Variants in PCDHGA5 observed in about 807,000 individuals in gnomAD.
PCDHGA5 encodes protocadherin gamma-A5.
PCDHGA5 carries 36 observed loss-of-function variants against 56.7 expected under a neutral mutation model. The ratio of observed to expected loss-of-function variants is 0.64; its 90% CI spans 0.49 to 0.84. The LOEUF (loss-of-function observed/expected upper bound fraction) is 0.84, where lower values mean the gene tolerates loss of function less well. Ranked by LOEUF, PCDHGA5 falls within the 40% of genes least tolerant of loss-of-function variation. PCDHGA5 has a pLI of 0.00. For synonymous variants in PCDHGA5, 563 were observed against 520.2 expected, an observed-to-expected ratio of 1.08 and a Z score of -1.12; for missense variants, 1,305 against 1,201.5, an observed-to-expected ratio of 1.09 and a Z score of -1.27.
At chr5:141,500,876 A>G (rs909126749) in intron 2 of PCDHGA5, among the ~76,000 whole-genome samples, 1 of 124,952 alleles carries the variant, frequency 8.0e-6, no homozygotes, top group African/African-American at 3.5e-5. Flanking sequence ...ATTCATTTAC[A>G]ATTTTTTTTT....
At chr5:141,402,971 T>A (rs1589470573) in intron 1 of PCDHGA5, 1 of 1,608,252 alleles carries the variant, frequency 6.2e-7, no homozygotes, top group East Asian at 2.2e-5. Flanking sequence ...TCCAACCAAA[T>A]GCCAGCTCCG....
chr5:141,471,635 A>G (rs1477641248), intron 1 of PCDHGA5: 1 of 152,224 alleles, frequency 6.6e-6, no homozygotes, highest in Non-Finnish European at 1.5e-5. Context: ...GGTATGGATT[A>G]GTAATATACT....
rs1215626157 is a variant in PCDHGA5, at chr5:141,487,804, GT to G, written c.2422-7000del. ...TCGTGAATTAACCAGAGTTGTCACAGTTTAGCATTGGGGGCGGGTCATGCCT... is the reference window on the plus strand; with the variant it reads ...TCGTGAATTAACCAGAGTTGTCACAGTTAGCATTGGGGGCGGGTCATGCCT... On this transcript the variant is annotated intron_variant, in intron 1 of 3. Transcript: ENST00000518069. The surrounding 1 kb of genome is among the most constrained non-coding windows in gnomAD (Gnocchi z 5.0). 15 of 1,451,846 alleles carry G rather than the reference GT, an allele frequency of 1.0e-5. No homozygotes were observed. The highest frequency in any genetic ancestry group is 1.3e-5 in the Non-Finnish European group (14 of 1,072,382). 89.9% of individuals were successfully genotyped at this position (1,451,846 alleles called of 1,614,324 possible).
At chr5:141,375,273 C>T in intron 1 of PCDHGA5, 1 of 1,613,854 alleles carries the variant, frequency 6.2e-7, no homozygotes, top group Non-Finnish European at 8.5e-7. Flanking sequence ...TTGGAAAAAT[C>T]AGTTGGCAAT....
At position 141,511,199 on chromosome 5, in the gene PCDHGA5, G is replaced by C. The variant is rs1303066281; in HGVS notation, c.*26G>C. On this transcript the variant is annotated 3_prime_UTR_variant, in exon 4 of 4. Coordinates refer to ENST00000518069, the MANE Select transcript of PCDHGA5 (RefSeq NM_018918.3). The stretch of plus-strand genomic sequence containing the variant: ...CATGGAGGCCAGGCCAAGAGCCACA[G>C]GGCGGCCTCTCCCCAACCAGCCCAG... 6.2e-6 allele frequency: 10 copies of C among 1,612,868 alleles called. No individual in the cohort carries two copies. In the East Asian group the frequency reaches 2.2e-4, roughly 36 times the overall value.
chr5:141,384,021 A>G (rs1779689462), intron 1 of PCDHGA5: 1 of 1,613,720 alleles, frequency 6.2e-7, no homozygotes, highest in African/African-American at 1.3e-5. Context: ...TACAAGACAG[A>G]GATTCTGGAA....
intron 1 of PCDHGA5, among the ~76,000 whole-genome samples, chr5:141,379,919 T>G (rs930949901): frequency 6.2e-5 from 7 of 113,224 alleles, no homozygotes; most frequent in Non-Finnish European, 1.2e-4. Flanking sequence ...TTTTTTTTTT[T>G]GTCAGAGTCT....
At chr5:141,394,195 T>A (rs930890690) in intron 1 of PCDHGA5, 1 of 1,613,768 alleles carries the variant, frequency 6.2e-7, no homozygotes, top group Non-Finnish European at 8.5e-7. Context: ...TCAGCGTATA[T>A]CCTAGAGAAC....
chr5:141,431,004 G>A lies in PCDHGA5; in HGVS notation c.2422-63803G>A, dbSNP rs569594120. The A allele has an allele frequency of 6.2e-7, 1 of 1,614,048 alleles. No homozygotes were observed. The highest frequency in any genetic ancestry group is 1.1e-5 in the South Asian group (1 of 91,074). On this transcript the variant is annotated intron_variant, in intron 1 of 3. Coordinates refer to ENST00000518069, the MANE Select transcript of PCDHGA5 (RefSeq NM_018918.3). The surrounding 1 kb of genome is among the most constrained non-coding windows in gnomAD (Gnocchi z 4.8). ...CTTTTCGCCCTGAATCCGCGCAGCG[G>A]CAGCTTGGTCACGGCGGGCAGGATA... is the stretch of plus-strand genomic sequence containing the variant.
intron 1 of PCDHGA5, chr5:141,391,145 G>A (rs1212141265): frequency 6.6e-6 from 1 of 152,000 alleles, no homozygotes; most frequent in African/African-American, 2.4e-5. Flanking sequence ...CTACCTCTAG[G>A]AAAGAAATAT....
intron 1 of PCDHGA5, chr5:141,423,301 C>T (rs1489674947): frequency 1.9e-6 from 3 of 1,614,150 alleles, no homozygotes; most frequent in East Asian, 4.5e-5. Flanking sequence ...AGACCTCTCG[C>T]TGTACTTGGT....
intron 1 of PCDHGA5, among the ~76,000 whole-genome samples, chr5:141,463,911 T>C (rs749224024): frequency 6.6e-6 from 1 of 152,156 alleles, no homozygotes; most frequent in African/African-American, 2.4e-5. Context: ...TAATAATATA[T>C]CCTGGAAATC....
At chr5:141,371,875 G>A in intron 1 of PCDHGA5, 1 of 1,613,506 alleles carries the variant, frequency 6.2e-7, no homozygotes, top group Non-Finnish European at 8.5e-7. Flanking sequence ...ATCGTGGCCA[G>A]TGACCTGGAG....
rs2099085120 is a variant in PCDHGA5, at chr5:141,464,455, T to C, written c.2422-30352T>C. Among the ~76,000 whole-genome samples, 2 of 151,794 alleles carry C rather than the reference T, an allele frequency of 1.3e-5. 1 individual carries two copies. Among genetic ancestry groups the C allele is most frequent in the Non-Finnish European group, 2.9e-5 (2 of 67,958 alleles). On this transcript the variant is annotated intron_variant, in intron 1 of 3. Coordinates refer to ENST00000518069, the MANE Select transcript of PCDHGA5 (RefSeq NM_018918.3). ...TATATGTTTGTTGTTGTTGTTGTTA[T>C]TTTTGAAGTATGTACGTATAATAAA...
chr5:141,366,705 T>C lies in PCDHGA5; in HGVS notation c.2375T>C (p.Leu792Pro). Reference protein sequence around the residue: ...EESCEKSEPLLMSDKVDANKE... With the variant: ...EESCEKSEPLPMSDKVDANKE... ...AGCTGTGAGAAAAGCGAGCCTCTTC[T>C]GATGTCTGATAAGGTAGATGCAAAC... Residue 792 changes from leucine (L) to proline (P), a missense_variant, in exon 1 of 4, where the codon CTG becomes CCG. By Grantham distance (98) the Leu-to-Pro change is moderately conservative. Coordinates refer to ENST00000518069, the MANE Select transcript of PCDHGA5 (RefSeq NM_018918.3). The C allele has an allele frequency of 1.2e-6, 2 of 1,614,234 alleles. No individual in the cohort carries two copies. Among genetic ancestry groups the C allele is most frequent in the East Asian group, 2.2e-5 (1 of 44,888 alleles).
chr5:141,383,346 G>A, intron 1 of PCDHGA5: 3 of 1,614,018 alleles, frequency 1.9e-6, no homozygotes, highest in Non-Finnish European at 2.5e-6. Context: ...CAGCTCCTGG[G>A]GTTCGGTTTC....
At chr5:141,472,003 A>T (rs1450802255) in intron 1 of PCDHGA5, among the ~76,000 whole-genome samples, 1 of 152,176 alleles carries the variant, frequency 6.6e-6, no homozygotes, top group Non-Finnish European at 1.5e-5. Context: ...CCTGCATCGT[A>T]TAGGGGCACT....
chr5:141,372,497 G>T, intron 1 of PCDHGA5: 2 of 1,614,032 alleles, frequency 1.2e-6, no homozygotes, highest in Non-Finnish European at 1.7e-6. Flanking sequence ...TGATCTCAGT[G>T]CTCTTCCTCC....
intron 1 of PCDHGA5, chr5:141,421,504 C>A (rs757410882): frequency 1.2e-6 from 2 of 1,614,062 alleles, no homozygotes; most frequent in Admixed American, 1.7e-5. Context: ...CAGGATAGAC[C>A]GGGAGGAGCT....
Sources: allele counts gnomAD v4.1 joint callset (sites outside exome capture counted in the v4.1 genomes callset), GRCh38; gene constraint gnomAD v4.1.1; non-coding constraint Gnocchi (gnomAD v3.1); transcripts MANE v1.5; gene names NCBI Gene and HGNC (gene_info 2026-07-23, HGNC 2026-07-21).